The following FAAP20 variants were observed in gnomAD, a reference collection of about 807,000 sequenced individuals.
FAAP20 encodes the protein Fanconi anemia core complex-associated protein 20.
A neutral mutation model predicts 16.2 loss-of-function variants in FAAP20; 12 were observed. The observed-to-expected ratio is 0.74, with a 90% CI of 0.48 to 1.20. The LOEUF (loss-of-function observed/expected upper bound fraction) is 1.20. Ranked by LOEUF, FAAP20 falls within the 50% of genes most tolerant of loss-of-function variation. The pLI is 0.00. For missense variants in FAAP20, 288 were observed against 245.8 expected, an observed-to-expected ratio of 1.17 and a Z score of -1.15; for synonymous variants, 141 against 110.7, an observed-to-expected ratio of 1.27 and a Z score of -1.72.
At chr1:2,199,637 G>A (rs1197663039), upstream of FAAP20, 1 of 985,602 alleles carries the variant, frequency 1.0e-6, no homozygotes, top group African/African-American at 1.7e-5. The surrounding 1 kb of genome is among the most constrained non-coding windows in gnomAD (Gnocchi z 4.5). Context: ...TGTGGGTTGA[G>A]CAGCGTCTCC....
chr1:2,191,068 A>G (rs142426586), intron 3 of FAAP20: 4,927 of 152,608 alleles, frequency 0.032, 124 homozygotes, highest in Middle Eastern at 0.061. Context: ...AGGGTCACTC[A>G]GTCTGAGACT....
At chr1:2,197,935 G>A (rs574799709), upstream of FAAP20, 7 of 1,235,944 alleles carry the variant, frequency 5.7e-6, no homozygotes, top group South Asian at 5.3e-5. Context: ...CCTGCCAGCC[G>A]AGGGCCTGGA....
chr1:2,206,961 C>G (rs1485730076), intron 1 of FAAP20, among the ~76,000 whole-genome samples: 1 of 152,162 alleles, frequency 6.6e-6, no homozygotes, highest in Non-Finnish European at 1.5e-5. Flanking sequence ...TGCACTCTGT[C>G]CAGGAGGAGG....
At chr1:2,205,791 G>T (rs995999418) in intron 3 of FAAP20, among the ~76,000 whole-genome samples, 1 of 152,268 alleles carries the variant, frequency 6.6e-6, no homozygotes, top group African/African-American at 2.4e-5. Flanking sequence ...GTGCGCGGGA[G>T]TCCCTCCGCC....
upstream of FAAP20, among the ~76,000 whole-genome samples, chr1:2,196,476 T>G (rs540851417): frequency 6.6e-6 from 1 of 151,352 alleles, no homozygotes; most frequent in African/African-American, 2.4e-5. This position sits in a 1 kb window ranked among gnomAD's most constrained non-coding sequence, Gnocchi z 4.5. Flanking sequence ...GAGGATCACC[T>G]GAGCCCAGGT....
At chr1:2,186,166 T>C, downstream of FAAP20, 1 of 429,534 alleles carries the variant, frequency 2.3e-6, no homozygotes. Flanking sequence ...GTGTGGAAAT[T>C]GCCACGCAGC....
downstream of FAAP20, among the ~76,000 whole-genome samples, chr1:2,208,321 C>G (rs1689341544): frequency 1.3e-5 from 2 of 152,148 alleles, no homozygotes; most frequent in East Asian, 1.9e-4. Context: ...GCCTTCTGGT[C>G]TCTTTTCTTC....
At chr1:2,212,218 T>C (rs1428985762) in exon 2 of FAAP20, 1 of 152,614 alleles carries the variant, frequency 6.6e-6, no homozygotes, top group Non-Finnish European at 1.5e-5. Context: ...AAGCTTCTGA[T>C]GTAGGGGCTG....
intron 2 of FAAP20, chr1:2,206,435 TA>T (rs1689261666): frequency 6.6e-6 from 1 of 152,184 alleles, no homozygotes; most frequent in Non-Finnish European, 1.5e-5. Context: ...CTGGGAGGTA[TA>T]AAACGAAACT....
chr1:2,202,014 C>T (rs1689070778), upstream of FAAP20, among the ~76,000 whole-genome samples: 1 of 140,612 alleles, frequency 7.1e-6, no homozygotes, highest in Admixed American at 7.3e-5. Flanking sequence ...GAGACTCTGT[C>T]TCAAAAAAAA....
At chr1:2,211,900 C>CTTTTTT (rs60874812), downstream of FAAP20, among the ~76,000 whole-genome samples, 94 of 98,946 alleles carry the variant, frequency 9.5e-4, no homozygotes, top group Non-Finnish European at 1.0e-3. Flanking sequence ...CAAGCTGCTG[C>CTTTTTT]TTTTTTTTTT....
chr1:2,189,601 G>T lies in FAAP20; in HGVS notation c.*108C>A. On this transcript the variant is annotated 3_prime_UTR_variant, in exon 4 of 4. Transcript: ENST00000378546. ...GCCCGCCCTGCTTTAATGCGCATGC[G>T]GGGGAGCCGAGAGGCGGGGCTGCTG... 2 of 809,516 alleles carry T rather than the reference G, an allele frequency of 2.5e-6. No individual in the cohort carries two copies. Among genetic ancestry groups the T allele is most frequent in the Admixed American group, 2.0e-5 (1 of 50,006 alleles). 50.1% of individuals were successfully genotyped at this position (809,516 alleles called of 1,614,324 possible).
chr1:2,185,652 G>C (rs1687478225), downstream of FAAP20: 2 of 635,942 alleles, frequency 3.1e-6, no homozygotes, highest in Admixed American at 5.0e-5. Flanking sequence ...GGGCCAGCCA[G>C]CTCACTGGAC....
At chr1:2,201,963 G>A (rs1234383144), upstream of FAAP20, among the ~76,000 whole-genome samples, 3 of 150,534 alleles carry the variant, frequency 2.0e-5, no homozygotes, top group East Asian at 5.9e-4. Flanking sequence ...CTTGCAGTGA[G>A]CCGAGATAGT....
At chr1:2,193,014 G>C (rs1319473797) in intron 3 of FAAP20, 2 of 1,303,196 alleles carry the variant, frequency 1.5e-6, no homozygotes, top group East Asian at 1.1e-4. Flanking sequence ...TGAAGGACCT[G>C]GTCTCCATAA....
At chr1:2,208,311 G>A (rs140980802), downstream of FAAP20, among the ~76,000 whole-genome samples, 46 of 152,194 alleles carry the variant, frequency 3.0e-4, no homozygotes, top group East Asian at 8.3e-3. Flanking sequence ...CCTCCAGCCC[G>A]CCTTCTGGTC....
chr1:2,193,239 A>C (rs536288431), intron 3 of FAAP20: 4 of 322,900 alleles, frequency 1.2e-5, no homozygotes, highest in Admixed American at 4.5e-5. Context: ...GGTTTCAAAA[A>C]TAAGAAAAAG....
In FAAP20 at chr1:2,194,719, A is replaced by T; in HGVS notation, c.31T>A (p.Leu11Met). The change falls in exon 1 of 4, where the codon TTG (leucine) becomes ATG (methionine). Residue 11 changes from leucine (L) to methionine (M), a missense_variant. Coordinates refer to ENST00000378546, the MANE Select transcript of FAAP20 (RefSeq NM_182533.4). ...GCCGGGCGCGGCCTCCGGCGGCTCA[A>T]CCCCAGCCGCGGCCTCCGCGCCGCC... MEAARRPRLG[L>M]SRRRPRPAGG... 1.7e-6 allele frequency: 2 copies of T among 1,187,354 alleles called. No homozygotes were observed. Among genetic ancestry groups the T allele is most frequent in the Non-Finnish European group, 2.1e-6 (2 of 962,098 alleles). 73.6% of individuals were successfully genotyped at this position (1,187,354 alleles called of 1,614,324 possible). A position where few individuals can be genotyped will look rare whatever the true frequency, so the allele number is the denominator to read the frequency against.
chr1:2,212,263 C>T (rs1279163954), exon 2 of FAAP20: 2 of 152,606 alleles, frequency 1.3e-5, no homozygotes, highest in African/African-American at 4.8e-5. Flanking sequence ...GTTGCTGTCT[C>T]AGCGCCAGCG....
Sources: allele counts gnomAD v4.1 joint callset (sites outside exome capture counted in the v4.1 genomes callset), GRCh38; gene constraint gnomAD v4.1.1; non-coding constraint Gnocchi (gnomAD v3.1); transcripts MANE v1.5; gene names NCBI Gene and HGNC (gene_info 2026-07-23, HGNC 2026-07-21).